RAP1B: variants seen among roughly 807,000 people sequenced by gnomAD.
RAP1B encodes ras-related protein Rap-1b.
In RAP1B, 1 loss-of-function variant was observed where a neutral mutation model predicts 27.5. The ratio of observed to expected loss-of-function variants is 0.04; its 90% confidence interval spans 0.01 to 0.17. The LOEUF (loss-of-function observed/expected upper bound fraction) is 0.17, where lower values mean the gene tolerates loss of function less well. RAP1B is among the 10% of genes least tolerant of loss of function. The pLI is 1.00. For synonymous variants in RAP1B, 75 were observed against 73.1 expected (o/e 1.03, Z -0.13); for missense variants, 84 against 214.8 (o/e 0.39, Z 3.81).
chr12:68,617,382 C>A (rs764003368), intron 1 of RAP1B, among the ~76,000 whole-genome samples: 1 of 152,156 alleles, frequency 6.6e-6, no homozygotes, highest in African/African-American at 2.4e-5. Context: ...TAGCAAAATG[C>A]AGGAATTCCT....
rs1482974959 is a variant in RAP1B, at chr12:68,665,297, A to T, written c.*6048A>T. On this transcript the variant is annotated 3_prime_UTR_variant, in exon 8 of 8. Transcript: ENST00000250559. ...AGATAACCCAGAGAGGGGTAATGGT[A>T]GAGCCAGAATTAACACAGCCAGCTT... is the stretch of plus-strand genomic sequence containing the variant. The T allele has an allele frequency of 6.7e-6, 1 of 149,492 alleles. No homozygotes were observed. The highest frequency in any genetic ancestry group is 2.4e-5 in the African/African-American group (1 of 41,272). The allele number at this position is 149,492 out of a possible 1,614,324, so 9.3% of individuals were successfully genotyped here.
intron 2 of RAP1B, 138 bp from the exon 3 acceptor site, chr12:68,650,262 A>C: frequency 2.9e-6 from 2 of 693,898 alleles, no homozygotes; most frequent in Non-Finnish European, 4.3e-6. Context: ...AAATGTACAC[A>C]TTCGAATGTA....
intron 5 of RAP1B, among the ~76,000 whole-genome samples, 197 bp from the exon 6 acceptor site, chr12:68,656,109 A>T (rs1874187771): frequency 6.6e-6 from 1 of 152,168 alleles, no homozygotes; most frequent in African/African-American, 2.4e-5. Context: ...GGCAGTGGAG[A>T]TAATTGACAT....
At chr12:68,644,140 T>C (rs1873225974) in intron 1 of RAP1B, among the ~76,000 whole-genome samples, 1 of 152,220 alleles carries the variant, frequency 6.6e-6, no homozygotes, top group South Asian at 2.1e-4. Flanking sequence ...GATTTTTGTT[T>C]AGTAATGTGT....
At chr12:68,637,076 C>T (rs1343692293) in intron 1 of RAP1B, among the ~76,000 whole-genome samples, 3 of 152,152 alleles carry the variant, frequency 2.0e-5, no homozygotes, top group African/African-American at 7.2e-5. Context: ...ACTTACTACT[C>T]TTCTTTTAAA....
At chr12:68,653,201 T>TC (rs1408642229) in intron 4 of RAP1B, among the ~76,000 whole-genome samples, 1 of 152,088 alleles carries the variant, frequency 6.6e-6, no homozygotes, top group Non-Finnish European at 1.5e-5. Flanking sequence ...AGAGTGAGAC[T>TC]CCATTTCAAA....
At chr12:68,620,203 ATTTTTTTTTATT>A (rs753690305) in intron 1 of RAP1B, among the ~76,000 whole-genome samples, 2 of 145,818 alleles carry the variant, frequency 1.4e-5, no homozygotes, top group Non-Finnish European at 3.0e-5. Context: ...TTATTTTTTT[ATTTTTTTTTATT>A]TTTATTTTTA....
chr12:68,638,671 G>GT (rs1872789239), intron 1 of RAP1B, among the ~76,000 whole-genome samples: 4 of 150,638 alleles, frequency 2.7e-5, no homozygotes, highest in African/African-American at 9.7e-5. Context: ...ACTTTTTTTT[G>GT]TTTTTTGAGA....
chr12:68,617,238 G>T (rs979949119), intron 1 of RAP1B, among the ~76,000 whole-genome samples: 7 of 152,184 alleles, frequency 4.6e-5, no homozygotes, highest in Non-Finnish European at 8.8e-5. Flanking sequence ...GCGCCAAAAG[G>T]TATGTATGTT....
intron 6 of RAP1B, 126 bp downstream of exon 6, chr12:68,656,575 A>AG (rs1357892021): frequency 1.1e-6 from 1 of 915,616 alleles, no homozygotes; most frequent in East Asian, 2.5e-5. Flanking sequence ...GCAAAAAAAA[A>AG]AAACCCTCAT....
chr12:68,653,586 GTA>G (rs1253981110), intron 4 of RAP1B, among the ~76,000 whole-genome samples: 1 of 152,098 alleles, frequency 6.6e-6, no homozygotes, highest in African/African-American at 2.4e-5. Context: ...TTCCACTTGA[GTA>G]TATTTTTTGT....
At position 68,670,633 on chromosome 12, in the gene RAP1B, TTATAAG is replaced by T. The variant is rs1429700808; in HGVS notation, c.*11387_*11392del. The T allele has an allele frequency of 6.6e-6, 1 of 152,056 alleles. No individual in the cohort carries two copies. Among genetic ancestry groups the T allele is most frequent in the Non-Finnish European group, 1.5e-5 (1 of 68,024 alleles). The allele number at this position is 152,056 out of a possible 1,614,324, so 9.4% of individuals were successfully genotyped here. A position where few individuals can be genotyped will look rare whatever the true frequency, so the allele number is the denominator to read the frequency against. On this transcript the variant is annotated 3_prime_UTR_variant, in exon 8 of 8. Transcript: ENST00000250559. ...ATAAATCCATCACAAAGCTGAAAAATTATAAGTAAAACTGTAAGTCACAGACTGTAT... is the reference window on the plus strand; with the variant it reads ...ATAAATCCATCACAAAGCTGAAAAATTAAAACTGTAAGTCACAGACTGTAT...
rs1263702965 is a variant in RAP1B, at chr12:68,663,655, T to G, written c.*4406T>G. 1 of 152,212 alleles carries G rather than the reference T, an allele frequency of 6.6e-6. No individual in the cohort carries two copies. The highest frequency in any genetic ancestry group is 1.5e-5 in the Non-Finnish European group (1 of 68,034). 9.4% of individuals were successfully genotyped at this position (152,212 alleles called of 1,614,324 possible). ...ATGTTACACACATTTTAAACTTGCT[T>G]CTTAAAACATCCCTGTTGGTGGCCT... On this transcript the variant is annotated 3_prime_UTR_variant, in exon 8 of 8. Coordinates refer to ENST00000250559, the MANE Select transcript of RAP1B (RefSeq NM_001010942.3).
intron 1 of RAP1B, among the ~76,000 whole-genome samples, chr12:68,627,955 AAATT>A (rs1410748375): frequency 6.6e-6 from 1 of 152,042 alleles, no homozygotes; most frequent in East Asian, 1.9e-4. Context: ...TTAAAAAAAA[AAATT>A]TAATCAGGCA....
Position 68,668,810 on chromosome 12 carries a change from T to C in RAP1B, c.*9561T>C, listed in dbSNP as rs975094614. 3 of 152,188 alleles carry C rather than the reference T, an allele frequency of 2.0e-5. No homozygotes were observed. The highest frequency in any genetic ancestry group is 7.2e-5 in the African/African-American group (3 of 41,442). The allele number at this position is 152,188 out of a possible 1,614,324, so 9.4% of individuals were successfully genotyped here. ...GCTTGATACTGCTTGAAAGTGACATTTCTAGATTAAAGATCTGATAAGCTC... is the reference window on the plus strand; with the variant it reads ...GCTTGATACTGCTTGAAAGTGACATCTCTAGATTAAAGATCTGATAAGCTC... On this transcript the variant is annotated 3_prime_UTR_variant, in exon 8 of 8. Transcript: ENST00000250559.
chr12:68,651,753 G>A (rs1485963063), intron 3 of RAP1B: 2 of 453,764 alleles, frequency 4.4e-6, no homozygotes, highest in Non-Finnish European at 8.0e-6. Context: ...ACTGGTTCGT[G>A]TAGGTTTCCC....
rs536976993 is a variant in RAP1B at position 68,638,850 on chromosome 12, C to T, written c.-26-9849C>T. On this transcript the variant is annotated intron_variant, in intron 1 of 7. Coordinates refer to ENST00000250559, the MANE Select transcript of RAP1B (RefSeq NM_001010942.3). ...TGATTTTTGTATTTTTTAGTATAGA[C>T]GGGGTTTCACCATGTTGGCCAGCTA... 1.8e-3 allele frequency among the ~76,000 whole-genome samples: 269 copies of T among 152,090 alleles called. 4 individuals are homozygous for T. The highest frequency in any genetic ancestry group is 6.2e-4 in the South Asian group (3 of 4,822).
intron 1 of RAP1B, among the ~76,000 whole-genome samples, chr12:68,632,610 A>G (rs1366412342): frequency 6.6e-6 from 1 of 152,128 alleles, no homozygotes; most frequent in African/African-American, 2.4e-5. Context: ...TCACAAGCAG[A>G]GGGACTCTTC....
chr12:68,630,571 T>C (rs1029797283), intron 1 of RAP1B, among the ~76,000 whole-genome samples: 4 of 152,218 alleles, frequency 2.6e-5, no homozygotes, highest in Non-Finnish European at 5.9e-5. Flanking sequence ...TTTGATTATA[T>C]AGCAATAATC....
Sources: gnomAD v4.1 joint callset for allele counts (sites outside exome capture counted in the v4.1 genomes callset) on GRCh38, gnomAD v4.1.1 for gene constraint, MANE v1.5 for transcripts, NCBI Gene and HGNC (gene_info 2026-07-23, HGNC 2026-07-21) for gene names.